Variants in GAB1 observed in about 807,000 individuals in gnomAD.
The protein encoded by GAB1 is GRB2-associated-binding protein 1.
A neutral mutation model predicts 66.5 loss-of-function variants in GAB1; 19 were observed. That is an observed-to-expected ratio of 0.29 (90% confidence interval 0.20 to 0.42). The LOEUF (loss-of-function observed/expected upper bound fraction) is 0.42. GAB1 is among the 10% of genes least tolerant of loss of function. The pLI is 1.00. For synonymous variants in GAB1, 294 were observed against 301.4 expected, an observed-to-expected ratio of 0.98 and a Z score of 0.25; for missense variants, 732 against 858.5, an observed-to-expected ratio of 0.85 and a Z score of 1.84.
At chr4:143,350,766 T>A (rs1729173791) in intron 1 of GAB1, among the ~76,000 whole-genome samples, 1 of 151,992 alleles carries the variant, frequency 6.6e-6, no homozygotes, top group Non-Finnish European at 1.5e-5. Flanking sequence ...TAAAATATAT[T>A]TAAAAATATG....
At chr4:143,448,162 C>A (rs1256320833) in intron 6 of GAB1, among the ~76,000 whole-genome samples, 2 of 151,812 alleles carry the variant, frequency 1.3e-5, no homozygotes. Context: ...GGTGGATAAG[C>A]TTTTTGATGT....
intron 1 of GAB1, among the ~76,000 whole-genome samples, chr4:143,409,801 T>C (rs1204120660): frequency 6.6e-6 from 1 of 152,206 alleles, no homozygotes; most frequent in Non-Finnish European, 1.5e-5. Flanking sequence ...AGCATTGGCA[T>C]GAGCAGAAGA....
chr4:143,353,256 A>C (rs921151762), intron 1 of GAB1, among the ~76,000 whole-genome samples: 7 of 152,198 alleles, frequency 4.6e-5, no homozygotes, highest in African/African-American at 1.7e-4. Flanking sequence ...TTTATAATAC[A>C]TGTCTGATTT....
intron 1 of GAB1, chr4:143,395,408 A>G (rs1731396695): frequency 6.3e-6 from 1 of 157,566 alleles, no homozygotes; most frequent in Admixed American, 6.0e-5. Context: ...CCAGAGACAT[A>G]CAAATTGCCA....
intron 9 of GAB1, among the ~76,000 whole-genome samples, chr4:143,466,507 T>G (rs1276238391): frequency 4.9e-5 from 6 of 122,532 alleles, no homozygotes; most frequent in Non-Finnish European, 8.7e-5. Context: ...TTTTTTTTTT[T>G]GAGACAGAGT....
intron 2 of GAB1, chr4:143,425,830 C>T (rs1733321235): frequency 2.0e-6 from 2 of 1,004,770 alleles, no homozygotes; most frequent in South Asian, 2.6e-5. Context: ...CAGCAGTTCC[C>T]TTCTGAAGAC....
At chr4:143,387,198 C>G (rs1374405998) in intron 1 of GAB1, among the ~76,000 whole-genome samples, 1 of 152,212 alleles carries the variant, frequency 6.6e-6, no homozygotes, top group East Asian at 1.9e-4. Flanking sequence ...ATGATGCTAT[C>G]TTGGCTCATC....
chr4:143,345,048 A>G (rs1483989300), intron 1 of GAB1, among the ~76,000 whole-genome samples: 2 of 152,184 alleles, frequency 1.3e-5, no homozygotes, highest in African/African-American at 4.8e-5. Context: ...AAAATTTTCC[A>G]TGTGGTTGTT....
chr4:143,388,669 C>A (rs913314858), intron 1 of GAB1, among the ~76,000 whole-genome samples: 1 of 152,248 alleles, frequency 6.6e-6, no homozygotes, highest in Middle Eastern at 3.4e-3. Flanking sequence ...CCCACCTCCA[C>A]CTCCCAAAGT....
chr4:143,347,654 G>C (rs796362803), intron 1 of GAB1, among the ~76,000 whole-genome samples: 19 of 152,338 alleles, frequency 1.2e-4, no homozygotes, highest in African/African-American at 4.1e-4. Context: ...TGAGAGCTGT[G>C]TGCTGCTAGG....
chr4:143,439,683 C>G (rs1560771855), intron 4 of GAB1, 119 bp from the exon 5 acceptor site: 3 of 662,790 alleles, frequency 4.5e-6, no homozygotes, highest in South Asian at 3.6e-5. Flanking sequence ...TTTTAAAATT[C>G]TGTGTGTGTG....
intron 1 of GAB1, among the ~76,000 whole-genome samples, chr4:143,371,478 A>G (rs1181595357): frequency 6.6e-6 from 1 of 151,832 alleles, no homozygotes; most frequent in African/African-American, 2.4e-5. Context: ...GATTGTAAAA[A>G]TTTTCTCCCA....
rs1054199239 is a variant in GAB1, at chr4:143,350,802, T to TA, written c.72+13549dup. ...TATTTAGGAGCAAAAATTGATTATG[T>TA]AAAAAAATGTGTTCTATGAGCTGTT... is the stretch of plus-strand genomic sequence containing the variant. On this transcript the variant is annotated intron_variant, in intron 1 of 9. Coordinates refer to ENST00000262994, the MANE Select transcript of GAB1 (RefSeq NM_002039.4). Among the ~76,000 whole-genome samples, 15 of 152,120 alleles carry TA rather than the reference T, an allele frequency of 9.9e-5. No individual in the cohort carries two copies. In the East Asian group the frequency reaches 2.5e-3, roughly 25 times the overall value.
chr4:143,402,354 A>G (rs1731821666), intron 1 of GAB1, among the ~76,000 whole-genome samples: 1 of 152,202 alleles, frequency 6.6e-6, no homozygotes, highest in Non-Finnish European at 1.5e-5. Context: ...AGAACAATAA[A>G]TAGAATTGTT....
At chr4:143,411,986 A>T (rs1732416941) in intron 1 of GAB1, among the ~76,000 whole-genome samples, 1 of 152,180 alleles carries the variant, frequency 6.6e-6, no homozygotes, top group Non-Finnish European at 1.5e-5. Context: ...CTGTGTTTTA[A>T]TGCTGTAATT....
Position 143,353,514 on chromosome 4 carries a change from G to A in GAB1, c.72+16254G>A, listed in dbSNP as rs1040171132. Among the ~76,000 whole-genome samples the A allele has an allele frequency of 2.0e-5, 3 of 152,018 alleles. 1 individual carries two copies. Among genetic ancestry groups the A allele is most frequent in the Admixed American group, 2.0e-4 (3 of 15,248 alleles). On this transcript the variant is annotated intron_variant, in intron 1 of 9. Transcript: ENST00000262994. ...TCAAGAAGTGGACCAGGTGGGAATG[G>A]TTACTTAATCCTAGCAGAGGAATAA...
intron 6 of GAB1, among the ~76,000 whole-genome samples, chr4:143,449,140 C>T (rs1734742936): frequency 7.0e-6 from 1 of 143,262 alleles, no homozygotes; most frequent in Non-Finnish European, 1.5e-5. Context: ...TTTGATTGCA[C>T]TGTGGTCTGA....
chr4:143,433,065 C>G (rs1161125587), intron 2 of GAB1, among the ~76,000 whole-genome samples: 1 of 152,178 alleles, frequency 6.6e-6, no homozygotes. Context: ...AGAGCTGGCC[C>G]TGGTACTCAC....
chr4:143,422,506 C>T (rs528373208), intron 2 of GAB1, among the ~76,000 whole-genome samples: 7 of 152,282 alleles, frequency 4.6e-5, no homozygotes, highest in Admixed American at 1.3e-4. Flanking sequence ...AACGTTCTAC[C>T]TTACCAATAA....
Sources: gnomAD v4.1 joint callset for allele counts (sites outside exome capture counted in the v4.1 genomes callset) on GRCh38, gnomAD v4.1.1 for gene constraint, MANE v1.5 for transcripts, NCBI Gene and HGNC (gene_info 2026-07-23, HGNC 2026-07-21) for gene names.